The following SOX5 variants were observed in gnomAD, a reference collection of about 807,000 sequenced individuals.
The protein encoded by SOX5 is transcription factor SOX-5.
Under a neutral mutation model 92.0 loss-of-function variants are expected in SOX5, and 9 were observed. That is an observed-to-expected ratio of 0.10 (90% CI 0.06 to 0.17). The LOEUF is 0.17. Ranked by LOEUF, SOX5 falls within the 10% of genes least tolerant of loss-of-function variation. SOX5 has a pLI of 1.00. For synonymous variants in SOX5, 344 were observed against 336.3 expected, an observed-to-expected ratio of 1.02 and a Z score of -0.25; for missense variants, 642 against 944.5, an observed-to-expected ratio of 0.68 and a Z score of 4.20.
At chr12:24,441,468 A>G (rs1479618590) in intron 1 of SOX5, among the ~76,000 whole-genome samples, 1 of 152,212 alleles carries the variant, frequency 6.6e-6, no homozygotes. Context: ...ACTGCAGCCT[A>G]AAACAGCAAT....
chr12:24,393,611 T>C lies in SOX5; in HGVS notation c.-250-24972A>G, dbSNP rs77087010. 0.14 allele frequency among the ~76,000 whole-genome samples: 20,952 copies of C among 152,234 alleles called. 1,880 individuals are homozygous for C. The highest frequency in any genetic ancestry group is 0.21 in the South Asian group (998 of 4,822). The stretch of plus-strand genomic sequence containing the variant: ...AGTAACTAAGCAAAAAATTATGAAA[T>C]AGATAATCTTTTATACGGATTACGC... On this transcript the variant is annotated intron_variant, in intron 1 of 4. Transcript: ENST00000446891. This position sits in a 1 kb window ranked among gnomAD's most constrained non-coding sequence, Gnocchi z 5.0.
At chr12:23,564,198 G>C (rs993354646) in intron 10 of SOX5, among the ~76,000 whole-genome samples, 1 of 152,048 alleles carries the variant, frequency 6.6e-6, no homozygotes, top group African/African-American at 2.4e-5. Context: ...CAAAATAACA[G>C]GTGTAACAAC....
chr12:23,546,137 G>A (rs757626080), intron 12 of SOX5, among the ~76,000 whole-genome samples, 179 bp downstream of exon 12: 15 of 152,116 alleles, frequency 9.9e-5, no homozygotes, highest in Admixed American at 2.6e-4. Flanking sequence ...TAAATGAGAC[G>A]ATTTCTGCAA....
At chr12:23,919,392 G>A (rs1465982344) in intron 1 of SOX5, among the ~76,000 whole-genome samples, 1 of 152,180 alleles carries the variant, frequency 6.6e-6, no homozygotes, top group Non-Finnish European at 1.5e-5. Context: ...GGTTTAATGT[G>A]AATTAAACAG....
intron 1 of SOX5, among the ~76,000 whole-genome samples, chr12:24,476,040 C>T (rs1467203418): frequency 6.7e-6 from 1 of 150,070 alleles, no homozygotes; most frequent in Non-Finnish European, 1.5e-5. Context: ...TTACAATCAA[C>T]TCCTTGGAGG....
intron 4 of SOX5, among the ~76,000 whole-genome samples, chr12:24,051,581 T>C (rs1301776063): frequency 6.6e-6 from 1 of 152,164 alleles, no homozygotes; most frequent in East Asian, 1.9e-4. Context: ...CATTTAAGAT[T>C]GTAGACTAAC....
rs1593537717 is a variant in SOX5 at position 24,141,049 on chromosome 12, GAA to G, written c.-2+72292_-2+72293del. On this transcript the variant is annotated intron_variant, in intron 4 of 4. Transcript: ENST00000446891. ...ATACGCAGTAGGTATTTCTGGGTCAGAAATAGAGAAGAACAAATATAAAACCA... is the reference window on the plus strand; with the variant it reads ...ATACGCAGTAGGTATTTCTGGGTCAGATAGAGAAGAACAAATATAAAACCA... Among the ~76,000 whole-genome samples the G allele has an allele frequency of 3.1e-4, 30 of 98,300 alleles. No individual in the cohort carries two copies. In the South Asian group the frequency reaches 0.011, roughly 36 times the overall value. The allele number at this position is 98,300 out of a possible 152,430, so 64.5% of individuals were successfully genotyped here.
chr12:23,828,417 CAAG>C (rs1385774137), intron 3 of SOX5, among the ~76,000 whole-genome samples: 1 of 152,058 alleles, frequency 6.6e-6, no homozygotes, highest in East Asian at 1.9e-4. Context: ...TTTTAAAATA[CAAG>C]AAGAGTGTGA....
At chr12:24,060,017 A>C (rs1448565732) in intron 4 of SOX5, among the ~76,000 whole-genome samples, 1 of 152,354 alleles carries the variant, frequency 6.6e-6, no homozygotes, top group East Asian at 1.9e-4. Context: ...TAGGGATTTT[A>C]ATCAGGTGAT....
chr12:24,289,367 C>T (rs1222265554), intron 2 of SOX5, among the ~76,000 whole-genome samples: 1 of 151,944 alleles, frequency 6.6e-6, no homozygotes, highest in Non-Finnish European at 1.5e-5. Context: ...ACAGACCATT[C>T]TTTCTGAATC....
intron 1 of SOX5, among the ~76,000 whole-genome samples, chr12:24,401,571 A>C (rs1961617770): frequency 1.3e-5 from 2 of 151,646 alleles, no homozygotes; most frequent in South Asian, 2.1e-4. Context: ...TTAACCTTGC[A>C]TGGTGGCATA....
intron 8 of SOX5, among the ~76,000 whole-genome samples, chr12:23,621,218 CA>C (rs901568446): frequency 7.9e-5 from 12 of 151,830 alleles, no homozygotes; most frequent in Non-Finnish European, 8.8e-5. Flanking sequence ...AAACCAGACA[CA>C]AAAGGACAAG....
At chr12:24,177,228 G>A (rs1954922832) in intron 4 of SOX5, among the ~76,000 whole-genome samples, 1 of 152,158 alleles carries the variant, frequency 6.6e-6, no homozygotes, top group African/African-American at 2.4e-5. Flanking sequence ...TGAGGAAACT[G>A]AAGAAATGTA....
chr12:24,018,375 T>A (rs1321143880), intron 4 of SOX5, among the ~76,000 whole-genome samples: 1 of 152,242 alleles, frequency 6.6e-6, no homozygotes, highest in Non-Finnish European at 1.5e-5. Flanking sequence ...ATTCAACGTA[T>A]CTGATGCATT....
chr12:24,105,545 A>T (rs1180715752), intron 4 of SOX5, among the ~76,000 whole-genome samples: 1 of 151,908 alleles, frequency 6.6e-6, no homozygotes, highest in Non-Finnish European at 1.5e-5. Context: ...TGTCTTAATC[A>T]ATCAATCAAT....
At chr12:23,675,215 G>A (rs953559725) in intron 6 of SOX5, among the ~76,000 whole-genome samples, 1 of 152,154 alleles carries the variant, frequency 6.6e-6, no homozygotes. Flanking sequence ...TCTGTGCAAT[G>A]AGCTTTTGAT....
In SOX5 at chr12:24,245,999, C is replaced by T. The variant is rs537776295; in HGVS notation, c.-77+31217G>A. Reference sequence around the variant, plus strand: ...AGAACTGTATGTTTATTAAGTGTTTCTGTGTTCTGCTAAACACCAATATCA... The same window carrying T: ...AGAACTGTATGTTTATTAAGTGTTTTTGTGTTCTGCTAAACACCAATATCA... On this transcript the variant is annotated intron_variant, in intron 3 of 4. Coordinates refer to the SOX5 transcript ENST00000446891. Among the ~76,000 whole-genome samples, 5 of 152,238 alleles carry T rather than the reference C, an allele frequency of 3.3e-5. No homozygotes were observed. In the South Asian group the frequency reaches 1.0e-3, roughly 32 times the overall value.
At chr12:24,025,957 A>G (rs1954823467) in intron 4 of SOX5, among the ~76,000 whole-genome samples, 1 of 152,084 alleles carries the variant, frequency 6.6e-6, no homozygotes, top group Non-Finnish European at 1.5e-5. Context: ...TTTCTAATCC[A>G]CACCCCTACA....
chr12:24,526,450 G>A (rs1032053201), intron 1 of SOX5, among the ~76,000 whole-genome samples: 1 of 152,166 alleles, frequency 6.6e-6, no homozygotes, highest in Non-Finnish European at 1.5e-5. Context: ...TACACATAGC[G>A]AAAACGCAAA....
Sources: allele counts gnomAD v4.1 joint callset (sites outside exome capture counted in the v4.1 genomes callset), GRCh38; gene constraint gnomAD v4.1.1; non-coding constraint Gnocchi (gnomAD v3.1); transcripts MANE v1.5; gene names NCBI Gene and HGNC (gene_info 2026-07-23, HGNC 2026-07-21).